The following SUSD4 variants were observed in gnomAD, a reference collection of about 807,000 sequenced individuals.
SUSD4 encodes the protein sushi domain containing 4.
A neutral mutation model predicts 50.5 loss-of-function variants in SUSD4; 41 were observed. The ratio of observed to expected loss-of-function variants is 0.81; its 90% CI spans 0.63 to 1.05. The LOEUF (loss-of-function observed/expected upper bound fraction) is 1.05. Among genes scored for constraint, SUSD4 ranks in the 50% least tolerant of loss-of-function variants. The pLI is 0.00. For synonymous variants in SUSD4, 257 were observed against 257.3 expected, an observed-to-expected ratio of 1.00 and a Z score of 0.01; for missense variants, 580 against 634.7, an observed-to-expected ratio of 0.91 and a Z score of 0.93.
intron 3 of SUSD4, among the ~76,000 whole-genome samples, chr1:223,272,606 A>T (rs551384664): frequency 6.6e-6 from 1 of 152,326 alleles, no homozygotes; most frequent in African/African-American, 2.4e-5. Flanking sequence ...AATGAATCCA[A>T]TTCCTTCAAC....
chr1:223,289,012 G>A, intron 3 of SUSD4: 2 of 759,972 alleles, frequency 2.6e-6, no homozygotes, highest in Non-Finnish European at 3.2e-6. Context: ...ATGTAGGAAA[G>A]GGATATATTT....
At chr1:223,238,181 C>G (rs1660346190) in intron 5 of SUSD4, among the ~76,000 whole-genome samples, 1 of 151,956 alleles carries the variant, frequency 6.6e-6, no homozygotes, top group Non-Finnish European at 1.5e-5. Flanking sequence ...TCCATGGGAT[C>G]TGTAGTGATG....
intron 3 of SUSD4, among the ~76,000 whole-genome samples, chr1:223,292,218 T>C (rs908018182): frequency 6.6e-6 from 1 of 152,204 alleles, no homozygotes; most frequent in Non-Finnish European, 1.5e-5. Context: ...AATTAGATTG[T>C]AATTGAGACA....
In SUSD4 at chr1:223,264,457, A is replaced by G. The variant is rs1662337974; in HGVS notation, c.724+173T>C. The G allele has an allele frequency of 2.2e-6, 3 of 1,347,944 alleles. No homozygotes were observed. In the South Asian group the frequency reaches 6.8e-5, roughly 30 times the overall value. The allele number at this position is 1,347,944 out of a possible 1,614,324, so 83.5% of individuals were successfully genotyped here. On this transcript the variant is annotated intron_variant, in intron 5 of 8. Coordinates refer to ENST00000366878, the MANE Select transcript of SUSD4 (RefSeq NM_017982.4). ...GATGAGGGAAGCAAGTTTTACATCT[A>G]ATTGTAAATATGGCTTCACGGCAGC...
At chr1:223,346,927 C>T (rs1558270851) in intron 2 of SUSD4, among the ~76,000 whole-genome samples, 1 of 152,156 alleles carries the variant, frequency 6.6e-6, no homozygotes, top group Non-Finnish European at 1.5e-5. Context: ...GGCCCATGTT[C>T]ATGTTCTTTC....
At chr1:223,233,598 T>C (rs977451936) in intron 5 of SUSD4, among the ~76,000 whole-genome samples, 2 of 152,070 alleles carry the variant, frequency 1.3e-5, no homozygotes, top group African/African-American at 2.4e-5. Flanking sequence ...CTCAGACACA[T>C]GGCAAACAGC....
chr1:223,322,102 G>A (rs1049227682), intron 2 of SUSD4, among the ~76,000 whole-genome samples: 3 of 151,880 alleles, frequency 2.0e-5, no homozygotes, highest in Admixed American at 6.6e-5. Context: ...CGGATTTCCG[G>A]ATTGGAGATG....
At chr1:223,302,032 G>T (rs1665230509) in intron 2 of SUSD4, among the ~76,000 whole-genome samples, 1 of 152,092 alleles carries the variant, frequency 6.6e-6, no homozygotes, top group South Asian at 2.1e-4. Flanking sequence ...GGAACATGGG[G>T]GTGGTTTCTA....
chr1:223,320,368 T>G (rs1180620970), intron 2 of SUSD4, among the ~76,000 whole-genome samples: 1 of 152,082 alleles, frequency 6.6e-6, no homozygotes, highest in East Asian at 1.9e-4. Flanking sequence ...GCTGTGCCTG[T>G]GAGCTGAAAT....
chr1:223,352,655 C>T (rs1470949609), intron 2 of SUSD4, among the ~76,000 whole-genome samples: 1 of 152,146 alleles, frequency 6.6e-6, no homozygotes, highest in Non-Finnish European at 1.5e-5. Context: ...ATCCCAAGAT[C>T]TCCAGCCCAC....
In SUSD4 at chr1:223,268,042, T is replaced by TATATATATATATATATATATATATATAC. The variant is rs869264392; in HGVS notation, c.535+459_535+460insGTATATATATATATATATATATATATAT. ...ATATATATATATATATATATATATA[T>TATATATATATATATATATATATATATAC]ACACACACACTGTTAAGAGAAAACA... On this transcript the variant is annotated intron_variant, in intron 4 of 8. Transcript: ENST00000366878. Among the ~76,000 whole-genome samples, 8 of 106,818 alleles carry TATATATATATATATATATATATATATAC rather than the reference T, an allele frequency of 7.5e-5. No individual in the cohort carries two copies. The Admixed American group carries it at 8.3e-4, about 11-fold the overall frequency. The allele number at this position is 106,818 out of a possible 152,430, so 70.1% of individuals were successfully genotyped here.
intron 2 of SUSD4, among the ~76,000 whole-genome samples, chr1:223,317,851 C>CTTTTTTTTTTTT (rs1172641015): frequency 2.4e-4 from 24 of 100,736 alleles, no homozygotes; most frequent in Non-Finnish European, 3.3e-4. Flanking sequence ...TTTTTTTTTT[C>CTTTTTTTTTTTT]TTTTTTTTTT....
rs145118686 is a variant in SUSD4 at position 223,246,915 on chromosome 1, G to A, written c.725-17527C>T. Among the ~76,000 whole-genome samples the A allele has an allele frequency of 2.8e-3, 430 of 152,300 alleles. 2 individuals carry two copies. The highest frequency in any genetic ancestry group is 9.8e-3 in the African/African-American group (409 of 41,570). On this transcript the variant is annotated intron_variant, in intron 5 of 8. Coordinates refer to ENST00000366878, the MANE Select transcript of SUSD4 (RefSeq NM_017982.4). ...CATACAAATAACTCCAGGGCATGGG[G>A]CAGGGGAAGCAGAAGAATGTAGAAT... is the stretch of plus-strand genomic sequence containing the variant.
intron 2 of SUSD4, among the ~76,000 whole-genome samples, chr1:223,325,790 A>G (rs1044740201): frequency 1.4e-4 from 22 of 152,160 alleles, no homozygotes; most frequent in African/African-American, 5.1e-4. Flanking sequence ...AACAACAACA[A>G]AACCTAGAAA....
chr1:223,332,770 G>A lies in SUSD4; in HGVS notation c.148+30508C>T, dbSNP rs1451847433. ...GTAAAACTTCCTGCTGAGGCTCGGA[G>A]GTCTAAGGTTTGCTCCTTCTCTGTC... On this transcript the variant is annotated intron_variant, in intron 2 of 8. Coordinates refer to ENST00000366878, the MANE Select transcript of SUSD4 (RefSeq NM_017982.4). The surrounding 1 kb of genome is among the most constrained non-coding windows in gnomAD (Gnocchi z 4.0). 1.3e-5 allele frequency among the ~76,000 whole-genome samples: 2 copies of A among 152,154 alleles called. No homozygotes were observed. The highest frequency in any genetic ancestry group is 2.1e-4 in the South Asian group (1 of 4,818).
chr1:223,242,506 C>T (rs956442435), intron 5 of SUSD4, among the ~76,000 whole-genome samples: 1 of 152,186 alleles, frequency 6.6e-6, no homozygotes, highest in African/African-American at 2.4e-5. Context: ...TCCCAATGTC[C>T]CTGGAATCAC....
chr1:223,300,406 G>A (rs1449104298), intron 2 of SUSD4, among the ~76,000 whole-genome samples: 1 of 152,144 alleles, frequency 6.6e-6, no homozygotes, highest in East Asian at 1.9e-4. Flanking sequence ...ATAAGGTCTT[G>A]ACACTTCTGG....
intron 2 of SUSD4, among the ~76,000 whole-genome samples, chr1:223,335,956 T>C (rs1370924077): frequency 6.6e-6 from 1 of 152,034 alleles, no homozygotes; most frequent in Non-Finnish European, 1.5e-5. Context: ...AAAGAAAATA[T>C]TGCAAAGCAA....
chr1:223,342,937 T>C (rs1667836958), intron 2 of SUSD4, among the ~76,000 whole-genome samples: 1 of 152,164 alleles, frequency 6.6e-6, no homozygotes, highest in South Asian at 2.1e-4. Flanking sequence ...AGAATGAACA[T>C]TGTTGATATG....
Sources: gnomAD v4.1 joint callset for allele counts (sites outside exome capture counted in the v4.1 genomes callset) on GRCh38, gnomAD v4.1.1 for gene constraint, Gnocchi (gnomAD v3.1) non-coding constraint, MANE v1.5 for transcripts, NCBI Gene and HGNC (gene_info 2026-07-23, HGNC 2026-07-21) for gene names.